Variants in SLC15A1 observed in about 807,000 individuals in gnomAD.
SLC15A1 encodes the protein solute carrier family 15 member 1.
Under a neutral mutation model 92.9 loss-of-function variants are expected in SLC15A1, and 83 were observed. The ratio of observed to expected loss-of-function variants is 0.89; its 90% CI spans 0.75 to 1.07. The LOEUF (loss-of-function observed/expected upper bound fraction) is 1.07, where lower values mean the gene tolerates loss of function less well. SLC15A1 is among the 50% of genes least tolerant of loss of function. The pLI, the probability that SLC15A1 is intolerant of heterozygous loss-of-function variation, is 0.00. For synonymous variants in SLC15A1, 322 were observed against 318.2 expected, an observed-to-expected ratio of 1.01 and a Z score of -0.13; for missense variants, 857 against 880.1, an observed-to-expected ratio of 0.97 and a Z score of 0.33.
At chr13:98,687,244 G>A (rs911649236) in intron 21 of SLC15A1, among the ~76,000 whole-genome samples, 3 of 152,102 alleles carry the variant, frequency 2.0e-5, no homozygotes, top group Admixed American at 1.3e-4. Flanking sequence ...TTTATGAATG[G>A]TTGGTTACAT....
At chr13:98,733,874 G>A (rs1183632283) in intron 1 of SLC15A1, among the ~76,000 whole-genome samples, 16 of 152,212 alleles carry the variant, frequency 1.1e-4, no homozygotes, top group Non-Finnish European at 4.4e-5. Context: ...GTGGGGCCTG[G>A]TGGGAGGTGA....
chr13:98,703,243 A>AAAGG (rs1243562762), intron 17 of SLC15A1, among the ~76,000 whole-genome samples: 2 of 151,670 alleles, frequency 1.3e-5, no homozygotes, highest in Admixed American at 6.6e-5. Flanking sequence ...AGAAGAGAGA[A>AAAGG]AAGGAAGGAA....
At chr13:98,710,868 A>T (rs2088156634) in intron 11 of SLC15A1, among the ~76,000 whole-genome samples, 1 of 149,362 alleles carries the variant, frequency 6.7e-6, no homozygotes, top group African/African-American at 2.4e-5. Flanking sequence ...CATACAGGCC[A>T]GTCACTGAGT....
At chr13:98,743,919 C>T (rs2088470326) in intron 1 of SLC15A1, among the ~76,000 whole-genome samples, 1 of 152,072 alleles carries the variant, frequency 6.6e-6, no homozygotes, top group African/African-American at 2.4e-5. Flanking sequence ...ATACCAGCCT[C>T]CGGGACAGCA....
chr13:98,742,019 G>A (rs1266935687), intron 1 of SLC15A1, among the ~76,000 whole-genome samples: 1 of 152,220 alleles, frequency 6.6e-6, no homozygotes, highest in Non-Finnish European at 1.5e-5. Context: ...GTGGACAGCA[G>A]CCTAGCCCTG....
At position 98,726,141 on chromosome 13, in the gene SLC15A1, G is replaced by A. The variant is rs200210206; in HGVS notation, c.227C>T (p.Ser76Leu). 9 of 1,614,000 alleles carry A rather than the reference G, an allele frequency of 5.6e-6. No individual in the cohort carries two copies. In the East Asian group the frequency reaches 8.9e-5, roughly 16 times the overall value. ...CACTCACTTGAACTTTCCCAGCCAC[G>A]AGTCGGCGATAAGAGCTCCGAGAAT... ...TPILGALIAD[S>L]WLGKFKTIVS... is the part of the protein sequence containing the mutation. Residue 76 changes from serine (S) to leucine (L), a missense_variant, in exon 4 of 23, where the codon TCG (serine) becomes TTG (leucine). Ser to Leu is a moderately radical substitution (Grantham distance 145, BLOSUM62 -2). Transcript: ENST00000376503.
chr13:98,728,977 T>TAAAAAAAAAAA lies in SLC15A1; in HGVS notation c.5-2129_5-2119dup, dbSNP rs71218592. On this transcript the variant is annotated intron_variant, in intron 1 of 22. Coordinates refer to ENST00000376503, the MANE Select transcript of SLC15A1 (RefSeq NM_005073.4). ...GCCTAGGCCACAGAGTAAGGCTCTG[T>TAAAAAAAAAAA]AAAAAAAAAAAAAAAAAAAAAAAAA... Among the ~76,000 whole-genome samples the TAAAAAAAAAAA allele has an allele frequency of 2.5e-3, 35 of 13,888 alleles. 1 individual carries two copies. The highest frequency in any genetic ancestry group is 6.0e-3 in the Admixed American group (4 of 668). 9.1% of individuals were successfully genotyped at this position (13,888 alleles called of 152,430 possible).
intron 7 of SLC15A1, chr13:98,721,260 G>T (rs2088255064): frequency 4.6e-6 from 3 of 656,854 alleles, no homozygotes; most frequent in South Asian, 4.5e-5. Context: ...GGATGCCCAT[G>T]CTAAGGATGG....
Position 98,684,545 on chromosome 13 carries a change from CAAAA to C in SLC15A1, c.*175_*178del, listed in dbSNP as rs4646233. ...GGACAACAAGAGCAAAACTCTGTCT[CAAAA>C]AAAAAAAAAAAAAAAAAAAGAAAAG... On this transcript the variant is annotated 3_prime_UTR_variant, in exon 23 of 23. Transcript: ENST00000376503. 0.043 allele frequency: 8,284 copies of C among 191,530 alleles called. 21 individuals carry two copies. The highest frequency in any genetic ancestry group is 0.094 in the East Asian group (1,268 of 13,426). The allele number at this position is 191,530 out of a possible 1,614,324, so 11.9% of individuals were successfully genotyped here.
At chr13:98,693,184 G>A (rs529796926) in intron 18 of SLC15A1, among the ~76,000 whole-genome samples, 2 of 122,380 alleles carry the variant, frequency 1.6e-5, no homozygotes, top group East Asian at 5.5e-4. Context: ...TGCAACCTCC[G>A]CCTCCCGGGT....
intron 18 of SLC15A1, among the ~76,000 whole-genome samples, chr13:98,692,825 A>T (rs530788126): frequency 6.6e-6 from 1 of 152,178 alleles, no homozygotes; most frequent in South Asian, 2.1e-4. Flanking sequence ...GGCTTATTGC[A>T]GCCTCGACCT....
chr13:98,686,412 G>T (rs2139558380), intron 21 of SLC15A1, 115 bp from the exon 22 acceptor site: 2 of 701,872 alleles, frequency 2.8e-6, no homozygotes, highest in East Asian at 2.7e-5. Context: ...CACACGAAAA[G>T]TCAGGTGGCC....
chr13:98,712,408 T>G, intron 10 of SLC15A1, 90 bp downstream of exon 10: 1 of 996,844 alleles, frequency 1.0e-6, no homozygotes, highest in South Asian at 1.4e-5. Context: ...CACTGACCAT[T>G]TTGTCCATGT....
At chr13:98,727,127 A>C (rs2088308601) in intron 1 of SLC15A1, among the ~76,000 whole-genome samples, 1 of 152,118 alleles carries the variant, frequency 6.6e-6, no homozygotes. Context: ...GGCCTAAACC[A>C]TTTCCTCCTG....
chr13:98,692,169 T>G (rs886645331), intron 18 of SLC15A1, among the ~76,000 whole-genome samples: 2 of 80,582 alleles, frequency 2.5e-5, no homozygotes, highest in African/African-American at 8.5e-5. Flanking sequence ...TTTTTTTTTT[T>G]TTAAGACAAG....
chr13:98,707,891 T>TTTAAAAAAA (rs1315915894), intron 15 of SLC15A1, among the ~76,000 whole-genome samples: 1 of 106,852 alleles, frequency 9.4e-6, no homozygotes, highest in African/African-American at 4.0e-5. Flanking sequence ...AGACCCTGTT[T>TTTAAAAAAA]AAAAAAAAAA....
chr13:98,719,756 A>T (rs1449307818), intron 7 of SLC15A1, among the ~76,000 whole-genome samples: 1 of 152,226 alleles, frequency 6.6e-6, no homozygotes, highest in Non-Finnish European at 1.5e-5. Flanking sequence ...TTTTCTGTGA[A>T]GGGCCCAGCA....
At position 98,712,576 on chromosome 13, in the gene SLC15A1, G is replaced by T; in HGVS notation, c.732C>A (p.Ile244=). The part of the protein sequence containing the change: ...GKVAKCIGFA[I]KNRFRHRSKA... Reference sequence around the variant, plus strand: ...TACTCCGATGCCTAAATCTATTTTTGATGGCAAACTGAAGGAAGGAAGAAA... The same window carrying T: ...TACTCCGATGCCTAAATCTATTTTTTATGGCAAACTGAAGGAAGGAAGAAA... Residue 244 remains isoleucine, a synonymous_variant, in exon 10 of 23, where the codon ATC becomes ATA. Transcript: ENST00000376503. The T allele has an allele frequency of 6.2e-7, 1 of 1,606,852 alleles. No individual in the cohort carries two copies. Among genetic ancestry groups the T allele is most frequent in the Admixed American group, 1.7e-5 (1 of 58,682 alleles).
At chr13:98,724,695 G>A (rs2088285530) in intron 4 of SLC15A1, among the ~76,000 whole-genome samples, 1 of 152,076 alleles carries the variant, frequency 6.6e-6, no homozygotes. Context: ...GGATGGTCTC[G>A]ATCTCCTGAC....
Sources: gnomAD v4.1 joint callset for allele counts (sites outside exome capture counted in the v4.1 genomes callset) on GRCh38, gnomAD v4.1.1 for gene constraint, MANE v1.5 for transcripts, NCBI Gene and HGNC (gene_info 2026-07-23, HGNC 2026-07-21) for gene names.